B3GALT1: variants seen among roughly 807,000 people sequenced by gnomAD.
B3GALT1 encodes UDP-Gal:betaGlcNAc beta 1,3-galactosyltransferase, polypeptide 1.
In B3GALT1, 10 loss-of-function variants were observed where a neutral mutation model predicts 23.2. The observed-to-expected ratio is 0.43, with a 90% CI of 0.27 to 0.73. The LOEUF is 0.73. B3GALT1 is among the 30% of genes least tolerant of loss of function. B3GALT1 has a pLI of 0.21. For synonymous variants in B3GALT1, 156 were observed against 141.5 expected (o/e 1.10, Z -0.73); for missense variants, 299 against 405.4 (o/e 0.74, Z 2.25).
intron 3 of B3GALT1, among the ~76,000 whole-genome samples, chr2:167,795,610 G>C (rs1043493430): frequency 1.1e-4 from 17 of 152,152 alleles, no homozygotes; most frequent in Non-Finnish European, 2.4e-4. Flanking sequence ...ACTCTGAGGA[G>C]AATCCTGATG....
At chr2:167,635,690 A>G (rs1002204413) in intron 2 of B3GALT1, among the ~76,000 whole-genome samples, 1 of 152,140 alleles carries the variant, frequency 6.6e-6, no homozygotes, top group African/African-American at 2.4e-5. Context: ...TCAAGGAAAT[A>G]AGAGAGGACA....
chr2:167,742,925 A>G (rs901617710), intron 3 of B3GALT1, among the ~76,000 whole-genome samples: 1 of 152,060 alleles, frequency 6.6e-6, no homozygotes, highest in South Asian at 2.1e-4. Flanking sequence ...TTTATTTGCT[A>G]TTTATAAAGA....
intron 3 of B3GALT1, among the ~76,000 whole-genome samples, chr2:167,814,501 C>T (rs1007149920): frequency 2.6e-5 from 4 of 152,174 alleles, no homozygotes; most frequent in African/African-American, 9.7e-5. Context: ...GTGGCTCACA[C>T]TTGTAATCCC....
intron 3 of B3GALT1, among the ~76,000 whole-genome samples, chr2:167,655,741 C>T (rs1685945102): frequency 6.6e-6 from 1 of 152,114 alleles, no homozygotes; most frequent in Non-Finnish European, 1.5e-5. Context: ...GTGAAAACTA[C>T]ACATTTTATT....
chr2:167,570,594 T>C (rs1684274560), intron 2 of B3GALT1, among the ~76,000 whole-genome samples: 1 of 152,004 alleles, frequency 6.6e-6, no homozygotes, highest in Non-Finnish European at 1.5e-5. Flanking sequence ...TTAATCATTA[T>C]TTTGAATACT....
intron 1 of B3GALT1, among the ~76,000 whole-genome samples, chr2:167,329,962 C>G (rs1243708956): frequency 1.3e-5 from 2 of 152,050 alleles, no homozygotes; most frequent in Non-Finnish European, 2.9e-5. Flanking sequence ...CTGTTTTTGA[C>G]TTTAGGCAGT....
intron 2 of B3GALT1, among the ~76,000 whole-genome samples, chr2:167,493,384 T>C (rs545873512): frequency 2.6e-5 from 4 of 152,306 alleles, no homozygotes; most frequent in African/African-American, 7.2e-5. Flanking sequence ...TGTGAATATA[T>C]ACAAAGCCCT....
At chr2:167,347,803 G>A (rs1481565373) in intron 1 of B3GALT1, among the ~76,000 whole-genome samples, 1 of 152,066 alleles carries the variant, frequency 6.6e-6, no homozygotes. Context: ...CTTTGACCAT[G>A]TAGAAAAAGG....
intron 1 of B3GALT1, among the ~76,000 whole-genome samples, chr2:167,320,349 C>T (rs1255253173): frequency 6.6e-6 from 1 of 151,864 alleles, no homozygotes; most frequent in Non-Finnish European, 1.5e-5. Context: ...ACCACCATAC[C>T]TGGCTAATTT....
chr2:167,694,194 C>T (rs112528065), intron 3 of B3GALT1, among the ~76,000 whole-genome samples: 1,943 of 152,164 alleles, frequency 0.013, 45 homozygotes, highest in African/African-American at 0.044. Flanking sequence ...TGTATAAATT[C>T]TGTAGGGATA....
chr2:167,680,622 G>T (rs546772720), intron 3 of B3GALT1, among the ~76,000 whole-genome samples: 1 of 142,304 alleles, frequency 7.0e-6, no homozygotes, highest in South Asian at 2.2e-4. Context: ...GATTCTGAAA[G>T]AGCTAGCTAT....
intron 3 of B3GALT1, among the ~76,000 whole-genome samples, chr2:167,721,873 A>G (rs1687242240): frequency 6.6e-6 from 1 of 152,248 alleles, no homozygotes; most frequent in African/African-American, 2.4e-5. Flanking sequence ...GAGAGCAGTC[A>G]GGGACTGGCA....
At chr2:167,319,078 C>T (rs576180487) in intron 1 of B3GALT1, among the ~76,000 whole-genome samples, 4 of 152,256 alleles carry the variant, frequency 2.6e-5, no homozygotes, top group East Asian at 1.9e-4. Context: ...GCATTAGACA[C>T]CATTGTCTTG....
At chr2:167,355,112 G>A (rs1197904465) in intron 1 of B3GALT1, among the ~76,000 whole-genome samples, 1 of 152,082 alleles carries the variant, frequency 6.6e-6, no homozygotes, top group Non-Finnish European at 1.5e-5. Context: ...AGATAATGTG[G>A]GACACTAGTT....
intron 4 of B3GALT1, among the ~76,000 whole-genome samples, chr2:167,852,500 G>A (rs1165710310): frequency 6.7e-6 from 1 of 150,156 alleles, no homozygotes; most frequent in Non-Finnish European, 1.5e-5. Flanking sequence ...GTGTGTGTGT[G>A]TGTGTACGTG....
intron 1 of B3GALT1, among the ~76,000 whole-genome samples, chr2:167,385,350 G>A (rs2105278770): frequency 6.6e-6 from 1 of 152,194 alleles, no homozygotes; most frequent in East Asian, 1.9e-4. Context: ...CTCCCTAATA[G>A]CACTTTAGTG....
intron 1 of B3GALT1, among the ~76,000 whole-genome samples, chr2:167,407,420 C>A (rs991787992): frequency 6.6e-6 from 1 of 151,920 alleles, no homozygotes; most frequent in Non-Finnish European, 1.5e-5. Flanking sequence ...CCTAAGAATG[C>A]ATCTCAAGGA....
chr2:167,371,429 T>C (rs998083751), intron 1 of B3GALT1, among the ~76,000 whole-genome samples: 1 of 152,180 alleles, frequency 6.6e-6, no homozygotes, highest in Non-Finnish European at 1.5e-5. Flanking sequence ...ATGAAATAGA[T>C]AATACTGAAT....
chr2:167,434,605 C>T (rs1393956814), intron 1 of B3GALT1, among the ~76,000 whole-genome samples: 1 of 151,662 alleles, frequency 6.6e-6, no homozygotes, highest in Non-Finnish European at 1.5e-5. Flanking sequence ...TATAAATCGT[C>T]CCCAGTTTAT....
Sources: gnomAD v4.1 joint callset for allele counts (sites outside exome capture counted in the v4.1 genomes callset) on GRCh38, gnomAD v4.1.1 for gene constraint, MANE v1.5 for transcripts, NCBI Gene and HGNC (gene_info 2026-07-23, HGNC 2026-07-21) for gene names.